Variants in IP6K2 observed in about 807,000 individuals in gnomAD.
The protein encoded by IP6K2 is ATP:1D-myo-inositol-hexakisphosphate phosphotransferase.
A neutral mutation model predicts 43.3 loss-of-function variants in IP6K2; 9 were observed. The observed-to-expected ratio is 0.21, with a 90% CI of 0.13 to 0.36. The LOEUF (loss-of-function observed/expected upper bound fraction) is 0.36. IP6K2 is among the 10% of genes least tolerant of loss of function. IP6K2 has a pLI of 1.00. For synonymous variants in IP6K2, 209 were observed against 202.4 expected (o/e 1.03, Z -0.28); for missense variants, 332 against 538.4 (o/e 0.62, Z 3.79).
At chr3:48,691,932 G>A (rs978263900) in intron 3 of IP6K2, among the ~76,000 whole-genome samples, 2 of 151,666 alleles carry the variant, frequency 1.3e-5, no homozygotes, top group Admixed American at 6.6e-5. Flanking sequence ...TGCAACCTAC[G>A]CCTCCCGGTT....
Position 48,688,930 on chromosome 3 carries a change from T to A in IP6K2, c.781-157A>T, listed in dbSNP as rs1173433872. On this transcript the variant is annotated intron_variant, in intron 5 of 5. Transcript: ENST00000328631. The surrounding 1 kb of genome is among the most constrained non-coding windows in gnomAD (Gnocchi z 5.1). ...AGCCACTGTCCACTATGCTCTCTGA[T>A]CAGCCCCCACCTGGGATGCAGCCAT... 6.6e-6 allele frequency among the ~76,000 whole-genome samples: 1 copy of A among 152,214 alleles called. No homozygotes were observed. Among genetic ancestry groups the A allele is most frequent in the East Asian group, 1.9e-4 (1 of 5,182 alleles).
At chr3:48,694,024 T>TTAGAAAA in intron 2 of IP6K2, 1 of 1,404,748 alleles carries the variant, frequency 7.1e-7, no homozygotes, top group Non-Finnish European at 9.3e-7. Flanking sequence ...CTCCCAGGCC[T>TTAGAAAA]CTCTGCCCCA....
At chr3:48,693,661 G>C (rs557592796) in intron 2 of IP6K2, 9 of 1,091,088 alleles carry the variant, frequency 8.2e-6, no homozygotes, top group Non-Finnish European at 1.1e-6. Context: ...GGAAGACTGG[G>C]TAAGCAAAGC....
chr3:48,695,351 C>A lies in IP6K2; in HGVS notation c.-60G>T, dbSNP rs756752514. Reference sequence around the variant, plus strand: ...CAGCGGAGTCCAGCGGCCAGTACGTCTTCTGTCTGTTGTTTGTCCGTGTGT... The same window carrying A: ...CAGCGGAGTCCAGCGGCCAGTACGTATTCTGTCTGTTGTTTGTCCGTGTGT... On this transcript the variant is annotated 5_prime_UTR_variant, in exon 2 of 6. Transcript: ENST00000328631. The surrounding 1 kb of genome is among the most constrained non-coding windows in gnomAD (Gnocchi z 4.6). 4.5e-6 allele frequency: 7 copies of A among 1,543,822 alleles called. No homozygotes were observed. The highest frequency in any genetic ancestry group is 1.2e-5 in the South Asian group (1 of 84,432).
intron 2 of IP6K2, chr3:48,694,739 G>T: frequency 1.3e-6 from 2 of 1,510,924 alleles, no homozygotes; most frequent in South Asian, 2.5e-5. Context: ...AAAGCAGGCG[G>T]CAAGTATTCT....
intron 5 of IP6K2, 123 bp downstream of exon 5, chr3:48,689,415 G>A: frequency 2.0e-6 from 2 of 1,004,660 alleles, no homozygotes; most frequent in Non-Finnish European, 2.9e-6. Context: ...GACCCCCAAA[G>A]TGCTGGGATT....
chr3:48,711,715 C>T (rs749606463), intron 1 of IP6K2, among the ~76,000 whole-genome samples: 31 of 152,180 alleles, frequency 2.0e-4, no homozygotes, highest in Non-Finnish European at 3.2e-4. Context: ...ATCTCAGCAA[C>T]GTGCAAAAAG....
Position 48,695,236 on chromosome 3 carries a change from A to G in IP6K2, c.56T>C (p.Leu19Pro). ...DVEPRAKGVL[L>P]EPFVHQVGGH... is the part of the protein sequence containing the mutation. Reference sequence around the variant, plus strand: ...CCCGACCTGGTGGACAAAGGGCTCCAGAAGGACGCCTTTGGCGCGGGGCTC... The same window carrying G: ...CCCGACCTGGTGGACAAAGGGCTCCGGAAGGACGCCTTTGGCGCGGGGCTC... Residue 19 changes from leucine to proline, a missense_variant, in exon 2 of 6, where the codon CTG (leucine) becomes CCG (proline). Transcript: ENST00000328631. The surrounding 1 kb of genome is among the most constrained non-coding windows in gnomAD (Gnocchi z 4.6). 1 of 1,578,182 alleles carries G rather than the reference A, an allele frequency of 6.3e-7. No individual in the cohort carries two copies. The highest frequency in any genetic ancestry group is 1.3e-5 in the African/African-American group (1 of 74,256).
chr3:48,705,997 GGAGTTTGA>G lies in IP6K2; in HGVS notation c.-130-10584_-130-10577del, dbSNP rs768003135. ...AAGGCAGGTGGATCACCTGAAGTCA[GGAGTTTGA>G]GACCACACTGCCCAACATGGTGAAA... On this transcript the variant is annotated intron_variant, in intron 1 of 5. Transcript: ENST00000328631. Among the ~76,000 whole-genome samples the G allele has an allele frequency of 8.4e-4, 128 of 151,800 alleles. No homozygotes were observed. In the Middle Eastern group the frequency reaches 0.01, roughly 12 times the overall value.
intron 3 of IP6K2, among the ~76,000 whole-genome samples, chr3:48,691,756 G>A (rs894784171): frequency 2.0e-5 from 3 of 151,988 alleles, no homozygotes; most frequent in Non-Finnish European, 4.4e-5. Flanking sequence ...CTAGAAGATC[G>A]TGCCACTGCA....
At chr3:48,703,435 T>C in intron 1 of IP6K2, among the ~76,000 whole-genome samples, 1 of 151,822 alleles carries the variant, frequency 6.6e-6, no homozygotes, top group African/African-American at 2.4e-5. Flanking sequence ...CCAGGCACGG[T>C]GGCTCACGCC....
At position 48,695,840 on chromosome 3, in the gene IP6K2, ATATATAT is replaced by A. The variant is rs942515071; in HGVS notation, c.-130-426_-130-420del. Among the ~76,000 whole-genome samples, 2 of 146,704 alleles carry A rather than the reference ATATATAT, an allele frequency of 1.4e-5. No individual in the cohort carries two copies. Among genetic ancestry groups the A allele is most frequent in the African/African-American group, 4.9e-5 (2 of 40,406 alleles). ...CCATTAATTTTATATATTATATATA[ATATATAT>A]TATATATATAAAATAAATATATATA... On this transcript the variant is annotated intron_variant, in intron 1 of 5. Coordinates refer to ENST00000328631, the MANE Select transcript of IP6K2 (RefSeq NM_016291.4). This position sits in a 1 kb window ranked among gnomAD's most constrained non-coding sequence, Gnocchi z 4.6.
chr3:48,689,106 T>C (rs1465728597), intron 5 of IP6K2, among the ~76,000 whole-genome samples: 1 of 152,218 alleles, frequency 6.6e-6, no homozygotes, highest in African/African-American at 2.4e-5. Flanking sequence ...CATGCAGGCA[T>C]GCATGCTTTC....
chr3:48,716,088 T>C (rs761334181), intron 1 of IP6K2, among the ~76,000 whole-genome samples: 2 of 152,210 alleles, frequency 1.3e-5, no homozygotes, highest in Admixed American at 1.3e-4. Context: ...GATGCAATTA[T>C]ACAAACCCCA....
chr3:48,696,750 G>C (rs894607009), intron 1 of IP6K2, among the ~76,000 whole-genome samples: 2 of 152,324 alleles, frequency 1.3e-5, no homozygotes, highest in South Asian at 4.1e-4. Context: ...AGAGGAGTGA[G>C]GATGGATCTG....
rs1484418178 is a variant in IP6K2, at chr3:48,715,405, C to T, written c.-131+1752G>A. 4.6e-6 allele frequency: 7 copies of T among 1,536,218 alleles called. No individual in the cohort carries two copies. In the South Asian group the frequency reaches 8.3e-5, roughly 18 times the overall value. Reference sequence around the variant, plus strand: ...GGAGCTTACAGAAGGCTCTGGCATCCCTCTTGGAAGGGAGACTGGCAAAGG... The same window carrying T: ...GGAGCTTACAGAAGGCTCTGGCATCTCTCTTGGAAGGGAGACTGGCAAAGG... On this transcript the variant is annotated intron_variant, in intron 1 of 5. Coordinates refer to ENST00000328631, the MANE Select transcript of IP6K2 (RefSeq NM_016291.4).
chr3:48,702,504 C>T (rs551344109), intron 1 of IP6K2, among the ~76,000 whole-genome samples: 101 of 150,152 alleles, frequency 6.7e-4, no homozygotes, highest in African/African-American at 2.3e-3. Context: ...AGTGCAGTGG[C>T]GTAATCACGG....
Position 48,689,702 on chromosome 3 carries a change from G to GT in IP6K2, c.615dup (p.Leu206ThrfsTer15). On this transcript the variant is annotated frameshift_variant, in exon 5 of 6. Transcript: ENST00000328631. LOFTEE classifies it high-confidence loss of function. ...TCGTAGCGGGAAGTCAGGTTTTCCA[G>GT]TAAGATAAATTCTGAGTAGTTAAGA... 6.2e-7 allele frequency: 1 copy of GT among 1,613,854 alleles called. No individual in the cohort carries two copies. The highest frequency in any genetic ancestry group is 8.5e-7 in the Non-Finnish European group (1 of 1,179,776).
At chr3:48,716,088 T>G (rs761334181) in intron 1 of IP6K2, among the ~76,000 whole-genome samples, 3 of 152,210 alleles carry the variant, frequency 2.0e-5, no homozygotes, top group Admixed American at 6.5e-5. Context: ...GATGCAATTA[T>G]ACAAACCCCA....
Sources: gnomAD v4.1 joint callset for allele counts (sites outside exome capture counted in the v4.1 genomes callset) on GRCh38, gnomAD v4.1.1 for gene constraint, Gnocchi (gnomAD v3.1) non-coding constraint, MANE v1.5 for transcripts, NCBI Gene and HGNC (gene_info 2026-07-23, HGNC 2026-07-21) for gene names.